Variants in GLRA2 observed in about 807,000 individuals in gnomAD.
The protein encoded by GLRA2 is glycine receptor alpha 2.
A neutral mutation model predicts 31.6 loss-of-function variants in GLRA2; 11 were observed. The observed-to-expected ratio is 0.35, with a 90% CI of 0.22 to 0.58. The LOEUF is 0.58. GLRA2 is among the 20% of genes least tolerant of loss of function. The pLI is 0.84. For synonymous variants in GLRA2, 132 were observed against 134.0 expected (o/e 0.99, Z 0.10); for missense variants, 212 against 351.8 (o/e 0.60, Z 3.18).
At chrX:14,615,193 C>T (rs1035570272) in intron 7 of GLRA2, among the ~76,000 whole-genome samples, 1 of 111,951 alleles carries the variant, frequency 8.9e-6, no homozygotes, top group African/African-American at 3.2e-5. Context: ...ACCCACCCCT[C>T]AGCACAACAC....
At chrX:14,696,242 C>T (rs1319591966) in intron 8 of GLRA2, among the ~76,000 whole-genome samples, 5 of 103,903 alleles carry the variant, frequency 4.8e-5, no homozygotes, top group Admixed American at 2.1e-4. Context: ...GAGGGAGGGA[C>T]GGAAGTGAAG....
At chrX:14,696,191 G>A (rs781491271) in intron 8 of GLRA2, among the ~76,000 whole-genome samples, 3 of 100,069 alleles carry the variant, frequency 3.0e-5, no homozygotes, top group South Asian at 1.1e-3. Flanking sequence ...AGAGTGGGAG[G>A]GAGGGAGAAT....
chrX:14,675,392 A>G (rs952167561), intron 7 of GLRA2, among the ~76,000 whole-genome samples: 4 of 111,641 alleles, frequency 3.6e-5, no homozygotes, highest in African/African-American at 1.3e-4. Flanking sequence ...AAATGTATTC[A>G]TCTTTGGAAA....
chrX:14,660,832 A>G lies in GLRA2; in HGVS notation c.931-29878A>G, dbSNP rs1310884728. On this transcript the variant is annotated intron_variant, in intron 7 of 8. Transcript: ENST00000218075. ...CTTGACCATGAGAAAGACTGCGATT[A>G]GAACAGGTTAATGTAGACAGCTATG... Among the ~76,000 whole-genome samples the G allele has an allele frequency of 3.6e-5, 4 of 112,466 alleles. No individual in the cohort carries two copies. The Admixed American group carries it at 3.8e-4, about 11-fold the overall frequency.
chrX:14,462,566 A>C, the GLRA2 span, among the ~76,000 whole-genome samples: 1 of 110,616 alleles, frequency 9.0e-6, no homozygotes, highest in African/African-American at 3.3e-5. Flanking sequence ...TTTTTTCTCT[A>C]ATCTTGTCTT....
upstream of GLRA2, among the ~76,000 whole-genome samples, chrX:14,529,089 C>T (rs1307903536): frequency 1.8e-5 from 2 of 111,553 alleles, no homozygotes; most frequent in African/African-American, 6.5e-5. Context: ...CCCTTCTCTT[C>T]GGCACAGGAC....
intron 7 of GLRA2, among the ~76,000 whole-genome samples, chrX:14,686,282 T>G: frequency 8.9e-6 from 1 of 112,019 alleles, no homozygotes; most frequent in Middle Eastern, 4.6e-3. Flanking sequence ...GAGAAGAATG[T>G]ATATTCTTTT....
chrX:14,676,921 G>T (rs981219199), intron 7 of GLRA2, among the ~76,000 whole-genome samples: 1 of 111,643 alleles, frequency 9.0e-6, no homozygotes, highest in Non-Finnish European at 1.9e-5. Flanking sequence ...ACACCTCTAA[G>T]AAATGTCTAT....
intron 7 of GLRA2, among the ~76,000 whole-genome samples, chrX:14,644,372 G>A (rs984212297): frequency 1.8e-5 from 2 of 111,849 alleles, no homozygotes; most frequent in African/African-American, 6.5e-5. Context: ...TTTTTAGGAA[G>A]AGGGAAACTG....
the GLRA2 span, among the ~76,000 whole-genome samples, chrX:14,485,713 T>C: frequency 9.0e-6 from 1 of 111,682 alleles, no homozygotes; most frequent in Non-Finnish European, 1.9e-5. Context: ...ACCACTCTGG[T>C]CCCATCTGCC....
chrX:14,618,125 A>C (rs747742811), intron 7 of GLRA2, among the ~76,000 whole-genome samples: 2 of 112,103 alleles, frequency 1.8e-5, no homozygotes, highest in South Asian at 3.7e-4. Context: ...CACTCTTAAA[A>C]TTTACCATTT....
At chrX:14,726,367 A>T (rs2091929068) in intron 8 of GLRA2, among the ~76,000 whole-genome samples, 1 of 112,380 alleles carries the variant, frequency 8.9e-6, no homozygotes, top group Non-Finnish European at 1.9e-5. Flanking sequence ...CATTGAATGC[A>T]TCATAATGGT....
At chrX:14,618,490 TTAAAA>T (rs1266351840) in intron 7 of GLRA2, among the ~76,000 whole-genome samples, 3 of 112,085 alleles carry the variant, frequency 2.7e-5, no homozygotes, top group African/African-American at 6.5e-5. Flanking sequence ...TGTTTATGAA[TTAAAA>T]TAAACATATA....
rs887538938 is a variant in GLRA2, at chrX:14,731,327, T to TTA, written c.*852_*853dup. 3 of 112,240 alleles carry TTA rather than the reference T, an allele frequency of 2.7e-5. No individual in the cohort carries two copies. The highest frequency in any genetic ancestry group is 9.5e-5 in the Admixed American group (1 of 10,528). 9.2% of individuals were successfully genotyped at this position (112,240 alleles called of 1,213,427 possible). A position where few individuals can be genotyped will look rare whatever the true frequency, so the allele number is the denominator to read the frequency against. ...TTTATTTTATATCCAAGTTAGTGCA[T>TTA]TATATATATATTTTTGCTTTGGCTA... On this transcript the variant is annotated 3_prime_UTR_variant, in exon 9 of 9. Coordinates refer to ENST00000218075, the MANE Select transcript of GLRA2 (RefSeq NM_002063.4).
chrX:14,564,843 T>G (rs1355261917), intron 2 of GLRA2, among the ~76,000 whole-genome samples: 1 of 111,527 alleles, frequency 9.0e-6, no homozygotes, highest in Non-Finnish European at 1.9e-5. Flanking sequence ...TAGGTTGTTA[T>G]AAATCTAGGT....
At chrX:14,523,331 G>A in the GLRA2 span, among the ~76,000 whole-genome samples, 15,784 of 111,331 alleles carry the variant, frequency 0.14, 1,025 homozygotes, top group Non-Finnish European at 0.2. Context: ...TTGGACTTTG[G>A]CTTAAGGGTA....
intron 2 of GLRA2, among the ~76,000 whole-genome samples, chrX:14,553,105 T>G (rs1051721826): frequency 8.9e-6 from 1 of 111,857 alleles, no homozygotes; most frequent in African/African-American, 3.3e-5. Flanking sequence ...TTCGGCTTAT[T>G]ATCAGAGATT....
chrX:14,677,937 C>A (rs1261918052), intron 7 of GLRA2, among the ~76,000 whole-genome samples: 1 of 111,931 alleles, frequency 8.9e-6, no homozygotes, highest in Admixed American at 9.5e-5. Context: ...ATTAGCATTT[C>A]GACTGGATAA....
At chrX:14,467,770 G>A in the GLRA2 span, among the ~76,000 whole-genome samples, 1 of 110,078 alleles carries the variant, frequency 9.1e-6, no homozygotes, top group African/African-American at 3.3e-5. Context: ...CTCTCTCATT[G>A]TTCCCCAGGT....
Sources: gnomAD v4.1 joint callset for allele counts (sites outside exome capture counted in the v4.1 genomes callset) on GRCh38, gnomAD v4.1.1 for gene constraint, MANE v1.5 for transcripts, NCBI Gene and HGNC (gene_info 2026-07-23, HGNC 2026-07-21) for gene names.